The following EXOC6B variants were observed in gnomAD, a reference collection of about 807,000 sequenced individuals.
EXOC6B encodes exocyst complex component 6B, also known as SEC15 homolog B.
Under a neutral mutation model 113.5 loss-of-function variants are expected in EXOC6B, and 54 were observed. The ratio of observed to expected loss-of-function variants is 0.48; its 90% CI spans 0.38 to 0.60. EXOC6B has a LOEUF of 0.60. Ranked by LOEUF, EXOC6B falls within the 20% of genes least tolerant of loss-of-function variation. The pLI is 0.00. For synonymous variants in EXOC6B, 357 were observed against 339.0 expected (o/e 1.05, Z -0.58); for missense variants, 797 against 977.5 (o/e 0.82, Z 2.46).
At chr2:72,531,394 T>C (rs1192703470) in intron 8 of EXOC6B, among the ~76,000 whole-genome samples, 1 of 152,170 alleles carries the variant, frequency 6.6e-6, no homozygotes, top group Non-Finnish European at 1.5e-5. Flanking sequence ...GTCTGAAATA[T>C]TTTCTCTACA....
chr2:72,176,534 T>A lies in EXOC6B; in HGVS notation c.*2801A>T, dbSNP rs577967428. Reference sequence around the variant, plus strand: ...GGTATGCAATGAGAACAGTGGGCAATGCACCCTGGAAGCTCTACATTCCCT... The same window carrying A: ...GGTATGCAATGAGAACAGTGGGCAAAGCACCCTGGAAGCTCTACATTCCCT... On this transcript the variant is annotated 3_prime_UTR_variant, in exon 22 of 22. Transcript: ENST00000272427. 1 of 152,218 alleles carries A rather than the reference T, an allele frequency of 6.6e-6. No homozygotes were observed. Among genetic ancestry groups the A allele is most frequent in the African/African-American group, 2.4e-5 (1 of 41,446 alleles). 9.4% of individuals were successfully genotyped at this position (152,218 alleles called of 1,614,324 possible). A position where few individuals can be genotyped will look rare whatever the true frequency, so the allele number is the denominator to read the frequency against.
chr2:72,301,971 A>AT (rs1416432874), intron 20 of EXOC6B, among the ~76,000 whole-genome samples: 1 of 152,130 alleles, frequency 6.6e-6, no homozygotes, highest in Non-Finnish European at 1.5e-5. Context: ...TGATGTGGGC[A>AT]TTTAGTGCTA....
At chr2:72,602,307 A>C (rs1415968948) in intron 6 of EXOC6B, among the ~76,000 whole-genome samples, 1 of 152,228 alleles carries the variant, frequency 6.6e-6, no homozygotes, top group Non-Finnish European at 1.5e-5. Flanking sequence ...TGTTTCCATG[A>C]ATGAATATAA....
At chr2:72,611,354 T>C (rs1169398134) in intron 6 of EXOC6B, among the ~76,000 whole-genome samples, 1 of 142,680 alleles carries the variant, frequency 7.0e-6, no homozygotes, top group Non-Finnish European at 1.5e-5. Context: ...CAAGACTGTC[T>C]CAAAAAAAAA....
intron 8 of EXOC6B, chr2:72,515,453 T>A: frequency 9.1e-7 from 1 of 1,093,856 alleles, no homozygotes; most frequent in Non-Finnish European, 1.1e-6. Flanking sequence ...TAAGTTATGA[T>A]AACAGGTAAG....
At chr2:72,405,236 T>G (rs1693649807) in intron 18 of EXOC6B, among the ~76,000 whole-genome samples, 1 of 152,160 alleles carries the variant, frequency 6.6e-6, no homozygotes, top group Non-Finnish European at 1.5e-5. Context: ...TTGGTGTACT[T>G]GAAAGTGACA....
In EXOC6B at chr2:72,228,050, G is replaced by C. The variant is rs549308526; in HGVS notation, c.2197-43863C>G. 9.9e-5 allele frequency among the ~76,000 whole-genome samples: 15 copies of C among 152,236 alleles called. No homozygotes were observed. In the South Asian group the frequency reaches 3.1e-3, roughly 32 times the overall value. ...TAGATGAGAGAGAAAAAGTAGAAAA[G>C]GCTGTTAAAGTAGATTGGAGTCAGG... On this transcript the variant is annotated intron_variant, in intron 20 of 21. Transcript: ENST00000272427.
intron 6 of EXOC6B, among the ~76,000 whole-genome samples, chr2:72,660,234 C>G (rs887471130): frequency 1.3e-5 from 2 of 152,072 alleles, no homozygotes; most frequent in East Asian, 3.9e-4. Flanking sequence ...ATTTAACAAT[C>G]TTGAATGGAG....
intron 18 of EXOC6B, among the ~76,000 whole-genome samples, chr2:72,389,922 G>A (rs974606923): frequency 2.0e-5 from 3 of 151,574 alleles, no homozygotes; most frequent in Middle Eastern, 3.4e-3. Context: ...CTCTTTTTCC[G>A]AGAAGGCAGT....
chr2:72,442,370 C>T (rs1326715525), intron 18 of EXOC6B, among the ~76,000 whole-genome samples: 2 of 152,084 alleles, frequency 1.3e-5, no homozygotes, highest in Non-Finnish European at 2.9e-5. Context: ...TCTCTCAAGA[C>T]TCATATTCAA....
At chr2:72,231,521 A>C (rs1379559935) in intron 20 of EXOC6B, among the ~76,000 whole-genome samples, 1 of 152,188 alleles carries the variant, frequency 6.6e-6, no homozygotes, top group Non-Finnish European at 1.5e-5. Flanking sequence ...GAATACATAC[A>C]AATTTAAAAT....
intron 6 of EXOC6B, among the ~76,000 whole-genome samples, chr2:72,711,338 G>A (rs866615242): frequency 2.0e-5 from 3 of 151,968 alleles, no homozygotes; most frequent in Non-Finnish European, 2.9e-5. Context: ...TATTTCACAC[G>A]GCAGAACCTA....
intron 13 of EXOC6B, 48 bp downstream of exon 13, chr2:72,498,406 A>C: frequency 7.6e-7 from 1 of 1,322,802 alleles, no homozygotes; most frequent in Non-Finnish European, 1.1e-6. Context: ...ATGTGTGTAC[A>C]CTAATGTACA....
chr2:72,538,217 C>T (rs898212450), intron 8 of EXOC6B, among the ~76,000 whole-genome samples: 2 of 152,082 alleles, frequency 1.3e-5, no homozygotes, highest in Non-Finnish European at 2.9e-5. Context: ...CCTGCCTTTG[C>T]CTCCCAAAGT....
chr2:72,614,685 C>G lies in EXOC6B; in HGVS notation c.670-39017G>C, dbSNP rs563902868. Among the ~76,000 whole-genome samples, 43 of 152,186 alleles carry G rather than the reference C, an allele frequency of 2.8e-4. No homozygotes were observed. The South Asian group carries it at 7.9e-3, about 28-fold the overall frequency. Reference sequence around the variant, plus strand: ...TGCTTAAAACAAGTAAAAACGTTAGCTAAAATATTCAAAACATAAAGTCAA... The same window carrying G: ...TGCTTAAAACAAGTAAAAACGTTAGGTAAAATATTCAAAACATAAAGTCAA... On this transcript the variant is annotated intron_variant, in intron 6 of 21. Coordinates refer to ENST00000272427, the MANE Select transcript of EXOC6B (RefSeq NM_015189.3).
chr2:72,498,322 C>T, intron 13 of EXOC6B, 132 bp downstream of exon 13: 2 of 588,644 alleles, frequency 3.4e-6, no homozygotes, highest in East Asian at 3.1e-5. Context: ...TGGATCATAA[C>T]CTAGAGTAGC....
At chr2:72,605,937 A>C (rs916948591) in intron 6 of EXOC6B, among the ~76,000 whole-genome samples, 1 of 152,198 alleles carries the variant, frequency 6.6e-6, no homozygotes, top group African/African-American at 2.4e-5. Context: ...TAATATGTGA[A>C]TAACTCAGTA....
intron 6 of EXOC6B, among the ~76,000 whole-genome samples, chr2:72,656,123 T>C (rs912470733): frequency 4.6e-5 from 7 of 152,006 alleles, no homozygotes; most frequent in Non-Finnish European, 1.0e-4. Flanking sequence ...TGAAGAATAA[T>C]GACAGGGAAA....
intron 2 of EXOC6B, among the ~76,000 whole-genome samples, chr2:72,737,188 T>C (rs905716513): frequency 6.6e-6 from 1 of 151,494 alleles, no homozygotes; most frequent in African/African-American, 2.4e-5. Flanking sequence ...AATACAAAAA[T>C]TGGCCAGGCA....
Sources: allele counts gnomAD v4.1 joint callset (sites outside exome capture counted in the v4.1 genomes callset), GRCh38; gene constraint gnomAD v4.1.1; transcripts MANE v1.5; gene names NCBI Gene and HGNC (gene_info 2026-07-23, HGNC 2026-07-21).